The following PMS1 variants were observed in gnomAD, a reference collection of about 807,000 sequenced individuals.
PMS1 encodes PMS1 homolog 1, mismatch repair system component, also known as PMS1 protein homolog 1.
A neutral mutation model predicts 93.1 loss-of-function variants in PMS1; 79 were observed. The observed-to-expected ratio is 0.85, with a 90% CI of 0.71 to 1.02. The LOEUF (loss-of-function observed/expected upper bound fraction) is 1.02, where lower values mean the gene tolerates loss of function less well. Ranked by LOEUF, PMS1 falls within the 50% of genes least tolerant of loss-of-function variation. PMS1 has a pLI of 0.00. For missense variants in PMS1, 1,064 were observed against 1,085.3 expected, an observed-to-expected ratio of 0.98 and a Z score of 0.28; for synonymous variants, 335 against 363.4, an observed-to-expected ratio of 0.92 and a Z score of 0.89.
At chr2:189,821,471 A>AG (rs1491101080) in intron 5 of PMS1, among the ~76,000 whole-genome samples, 14 of 148,846 alleles carry the variant, frequency 9.4e-5, no homozygotes, top group African/African-American at 3.2e-4. Flanking sequence ...AAAAAAAAAA[A>AG]GAAAGAAAAG....
At chr2:189,847,729 A>C (rs1023549986) in intron 6 of PMS1, among the ~76,000 whole-genome samples, 1 of 152,022 alleles carries the variant, frequency 6.6e-6, no homozygotes, top group Non-Finnish European at 1.5e-5. Context: ...GGGCTTATTC[A>C]CTGTCAGGTT....
chr2:189,864,609 C>T lies in PMS1; in HGVS notation c.2342+381C>T, dbSNP rs1241825959. 2.4e-5 allele frequency among the ~76,000 whole-genome samples: 3 copies of T among 123,716 alleles called. No individual in the cohort carries two copies. The East Asian group carries it at 7.8e-4, about 32-fold the overall frequency. The allele number at this position is 123,716 out of a possible 152,430, so 81.2% of individuals were successfully genotyped here. A position where few individuals can be genotyped will look rare whatever the true frequency, so the allele number is the denominator to read the frequency against. On this transcript the variant is annotated intron_variant, in intron 10 of 12. Transcript: ENST00000441310. The stretch of plus-strand genomic sequence containing the variant: ...AGGTGGAGGTTGCAGTGAGCTGAGA[C>T]GGTGCCATTGCACTCCAGCCTGGGT...
At chr2:189,841,847 T>G (rs1164651526) in intron 5 of PMS1, among the ~76,000 whole-genome samples, 1 of 124 alleles carries the variant, frequency 8.1e-3, no homozygotes. Context: ...TCCATAATCA[T>G]CAAATATTTA....
chr2:189,800,935 G>T (rs2049833164), intron 3 of PMS1, among the ~76,000 whole-genome samples: 1 of 152,142 alleles, frequency 6.6e-6, no homozygotes, highest in South Asian at 2.1e-4. Flanking sequence ...TACTTGAATG[G>T]TCAGTTTTCC....
intron 4 of PMS1, among the ~76,000 whole-genome samples, chr2:189,813,819 G>A (rs5743030): frequency 0.11 from 16,532 of 152,200 alleles, 1,320 homozygotes; most frequent in African/African-American, 0.22. Context: ...TGTTGTTAAG[G>A]CAGTGTATCA....
At chr2:189,790,914 G>T (rs2048806828) in intron 1 of PMS1, among the ~76,000 whole-genome samples, 1 of 152,174 alleles carries the variant, frequency 6.6e-6, no homozygotes. Context: ...TTAGGGTAGG[G>T]ATTGGTAATT....
At chr2:189,829,648 G>A (rs1333604329) in intron 5 of PMS1, among the ~76,000 whole-genome samples, 1 of 152,196 alleles carries the variant, frequency 6.6e-6, no homozygotes, top group African/African-American at 2.4e-5. Flanking sequence ...CCACACCCAT[G>A]CTGAATAGTG....
intron 3 of PMS1, among the ~76,000 whole-genome samples, chr2:189,804,495 C>T (rs1188032791): frequency 6.6e-6 from 1 of 152,090 alleles, no homozygotes; most frequent in African/African-American, 2.4e-5. Flanking sequence ...CATAGCGCCC[C>T]TAGTAAGAGT....
intron 6 of PMS1, among the ~76,000 whole-genome samples, chr2:189,847,192 C>T (rs941804438): frequency 6.6e-6 from 1 of 152,058 alleles, no homozygotes. Context: ...TGTCCTTTAT[C>T]CTTACAAGGA....
intron 5 of PMS1, among the ~76,000 whole-genome samples, chr2:189,830,759 C>T (rs1362751728): frequency 6.6e-6 from 1 of 152,180 alleles, no homozygotes; most frequent in Non-Finnish European, 1.5e-5. Context: ...GTGGCACCAG[C>T]CCAGCTGGAC....
chr2:189,789,645 G>C lies in PMS1; in HGVS notation c.-20-2145G>C, dbSNP rs2048666733. 5.3e-5 allele frequency among the ~76,000 whole-genome samples: 8 copies of C among 151,952 alleles called. No homozygotes were observed. In the South Asian group the frequency reaches 1.7e-3, roughly 32 times the overall value. The stretch of plus-strand genomic sequence containing the variant: ...ACTGAGTCTTTCTTTACATGTCTTT[G>C]TCTTATGCTGCCTGAGAAATAATCC... On this transcript the variant is annotated intron_variant, in intron 1 of 12. Transcript: ENST00000441310.
intron 2 of PMS1, among the ~76,000 whole-genome samples, chr2:189,793,593 A>G (rs115246676): frequency 0.035 from 5,379 of 152,270 alleles, 109 homozygotes; most frequent in South Asian, 0.07. Flanking sequence ...TTAGATAGTT[A>G]TATCTGACAG....
intron 4 of PMS1, among the ~76,000 whole-genome samples, chr2:189,814,865 A>G (rs1575116146): frequency 6.6e-6 from 1 of 152,144 alleles, no homozygotes; most frequent in South Asian, 2.1e-4. Context: ...TGGGAGGCCA[A>G]GGTGGGCAGA....
In PMS1 at chr2:189,854,430, A is replaced by C; in HGVS notation, c.1158A>C (p.Ser386=). ...AGAATTATTCAAATGTTGATACTTCAGTCATTCCATTCCAAAATGATATGC... is the reference window on the plus strand; with the variant it reads ...AGAATTATTCAAATGTTGATACTTCCGTCATTCCATTCCAAAATGATATGC... ...SGKNYSNVDT[S]VIPFQNDMHN... is the part of the protein sequence containing the mutation. Residue 386 remains serine (S), a synonymous_variant, in exon 9 of 13, where the codon TCA becomes TCC. Transcript: ENST00000441310. 1 of 1,608,876 alleles carries C rather than the reference A, an allele frequency of 6.2e-7. No homozygotes were observed. Among genetic ancestry groups the C allele is most frequent in the South Asian group, 1.1e-5 (1 of 90,584 alleles).
intron 11 of PMS1, among the ~76,000 whole-genome samples, chr2:189,868,793 T>TA (rs2056891334): frequency 6.6e-6 from 1 of 152,188 alleles, no homozygotes; most frequent in Admixed American, 6.5e-5. Flanking sequence ...GTCCCAAACA[T>TA]AAACTAATTT....
chr2:189,832,568 C>T (rs5743076), intron 5 of PMS1, among the ~76,000 whole-genome samples: 11,025 of 152,008 alleles, frequency 0.073, 628 homozygotes, highest in African/African-American at 0.16. Flanking sequence ...TGGGTTCAAG[C>T]GATTCTCCTG....
intron 5 of PMS1, among the ~76,000 whole-genome samples, chr2:189,826,575 A>G (rs2052448999): frequency 6.6e-6 from 1 of 152,074 alleles, no homozygotes; most frequent in Non-Finnish European, 1.5e-5. Context: ...AAGATGAAAG[A>G]CATATAAGTC....
At chr2:189,862,886 C>T (rs2106503189) in intron 9 of PMS1, among the ~76,000 whole-genome samples, 1 of 152,282 alleles carries the variant, frequency 6.6e-6, no homozygotes, top group East Asian at 1.9e-4. Context: ...CTGTTCAGCT[C>T]ATTTAGCCTT....
rs2057668310 is a variant in PMS1, at chr2:189,877,444, T to A, written c.*8T>A. 1.9e-6 allele frequency: 3 copies of A among 1,594,064 alleles called. No individual in the cohort carries two copies. ...CTTCCAGAAACTACATGATTAAATA[T>A]GTTTAAGAAGATTAGTTACCATTGA... On this transcript the variant is annotated 3_prime_UTR_variant, in exon 13 of 13. Coordinates refer to ENST00000441310, the MANE Select transcript of PMS1 (RefSeq NM_000534.5).
Sources: allele counts gnomAD v4.1 joint callset (sites outside exome capture counted in the v4.1 genomes callset), GRCh38; gene constraint gnomAD v4.1.1; transcripts MANE v1.5; gene names NCBI Gene and HGNC (gene_info 2026-07-23, HGNC 2026-07-21).